The following UQCC1 variants were observed in gnomAD, a reference collection of about 807,000 sequenced individuals.
UQCC1 encodes the protein ubiquinol-cytochrome c reductase complex assembly factor 1, also known as bFGF-repressed Zic-binding protein.
Under a neutral mutation model 48.0 loss-of-function variants are expected in UQCC1, and 38 were observed. The ratio of observed to expected loss-of-function variants is 0.79; its 90% CI spans 0.61 to 1.04. The LOEUF (loss-of-function observed/expected upper bound fraction) is 1.04, where lower values mean the gene tolerates loss of function less well. UQCC1 is among the 50% of genes least tolerant of loss of function. UQCC1 has a pLI of 0.00. For synonymous variants in UQCC1, 111 were observed against 129.2 expected (o/e 0.86, Z 0.95); for missense variants, 368 against 381.8 (o/e 0.96, Z 0.30).
chr20:35,406,606 T>C (rs2062254589), intron 1 of UQCC1, among the ~76,000 whole-genome samples: 1 of 152,210 alleles, frequency 6.6e-6, no homozygotes, highest in Non-Finnish European at 1.5e-5. Context: ...AGGCAGACCT[T>C]CAGGTTGAAA....
intron 7 of UQCC1, among the ~76,000 whole-genome samples, chr20:35,324,543 G>A (rs563775185): frequency 1.5e-4 from 23 of 152,270 alleles, no homozygotes; most frequent in South Asian, 1.2e-3. Context: ...AGCCAGGATG[G>A]TCTCGATCTC....
chr20:35,307,149 C>G (rs1325471524), intron 8 of UQCC1: 1 of 340,368 alleles, frequency 2.9e-6, no homozygotes, highest in Non-Finnish European at 5.7e-6. Flanking sequence ...CAGCAATGCT[C>G]CCCCTGCTGT....
chr20:35,305,555 G>T (rs2060919441), intron 9 of UQCC1, among the ~76,000 whole-genome samples: 1 of 152,238 alleles, frequency 6.6e-6, no homozygotes, highest in African/African-American at 2.4e-5. Flanking sequence ...TTCTCTGTGA[G>T]TGGGGCCCTC....
At chr20:35,378,966 G>A (rs752276573) in intron 4 of UQCC1, among the ~76,000 whole-genome samples, 8 of 151,914 alleles carry the variant, frequency 5.3e-5, no homozygotes, top group South Asian at 2.1e-4. Context: ...TCCTTCAACC[G>A]TTCTTAACAG....
At chr20:35,404,033 C>A (rs534236468) in intron 1 of UQCC1, among the ~76,000 whole-genome samples, 1 of 151,858 alleles carries the variant, frequency 6.6e-6, no homozygotes, top group African/African-American at 2.4e-5. Context: ...GTCAGGAGAT[C>A]GAGACCATCC....
intron 5 of UQCC1, among the ~76,000 whole-genome samples, chr20:35,371,903 C>A (rs1212909758): frequency 2.0e-5 from 3 of 151,766 alleles, no homozygotes; most frequent in Admixed American, 1.3e-4. Context: ...GTAGTCCCAG[C>A]GACTCAGGAG....
At chr20:35,350,288 T>G (rs1161462205) in intron 6 of UQCC1, among the ~76,000 whole-genome samples, 1 of 152,180 alleles carries the variant, frequency 6.6e-6, no homozygotes, top group Non-Finnish European at 1.5e-5. Flanking sequence ...CCACTGTGCC[T>G]GGCCTGAGTG....
intron 8 of UQCC1, among the ~76,000 whole-genome samples, chr20:35,308,672 T>C (rs1183927085): frequency 1.3e-5 from 2 of 152,246 alleles, no homozygotes; most frequent in Non-Finnish European, 2.9e-5. Flanking sequence ...CTAATGATTA[T>C]GTTTGCCAAG....
chr20:35,307,764 T>C (rs2060944941), intron 8 of UQCC1, among the ~76,000 whole-genome samples: 1 of 152,234 alleles, frequency 6.6e-6, no homozygotes, highest in African/African-American at 2.4e-5. Context: ...GCTCTACTTA[T>C]AGCATTCTTG....
At chr20:35,373,803 AGTTT>A (rs1175999484) in intron 5 of UQCC1, among the ~76,000 whole-genome samples, 5 of 152,154 alleles carry the variant, frequency 3.3e-5, no homozygotes, top group East Asian at 1.9e-4. Context: ...GTCAAAGTAC[AGTTT>A]GTTTGTTTTT....
At chr20:35,400,024 C>A (rs1040892383) in intron 1 of UQCC1, among the ~76,000 whole-genome samples, 3 of 146,118 alleles carry the variant, frequency 2.1e-5, no homozygotes, top group African/African-American at 7.6e-5. Flanking sequence ...CTCCTGGATT[C>A]AAGCAATTCT....
chr20:35,382,018 G>A lies in UQCC1; in HGVS notation c.233C>T (p.Thr78Ile). The stretch of plus-strand genomic sequence containing the variant: ...AACAGGCTGTGGGGAATCTTTGGTA[G>A]TAGAAAGCTGATTAACCAAAAAGAA... ...RKYHTTRKLS[T>I]TKDSPQPVEE... Residue 78 changes from threonine (T) to isoleucine (I), a missense_variant, in exon 4 of 10, where the codon ACT (threonine) becomes ATT (isoleucine). Thr to Ile is a moderately conservative substitution (Grantham distance 89, BLOSUM62 -1). Coordinates refer to ENST00000374385, the MANE Select transcript of UQCC1 (RefSeq NM_018244.5). 6.3e-7 allele frequency: 1 copy of A among 1,587,726 alleles called. No individual in the cohort carries two copies. Among genetic ancestry groups the A allele is most frequent in the Non-Finnish European group, 8.5e-7 (1 of 1,170,814 alleles).
chr20:35,408,867 A>G (rs549286041), intron 1 of UQCC1, among the ~76,000 whole-genome samples: 3 of 152,248 alleles, frequency 2.0e-5, no homozygotes, highest in East Asian at 1.9e-4. Context: ...AAAAAAAAAA[A>G]AGAGAAAATT....
intron 1 of UQCC1, among the ~76,000 whole-genome samples, chr20:35,398,780 G>T (rs2062119663): frequency 6.7e-6 from 1 of 149,590 alleles, no homozygotes; most frequent in Non-Finnish European, 1.5e-5. Context: ...CGGTGCAGGG[G>T]GAGCAAGAGG....
chr20:35,315,701 C>T (rs559958718), intron 7 of UQCC1, among the ~76,000 whole-genome samples: 9 of 152,254 alleles, frequency 5.9e-5, no homozygotes, highest in Middle Eastern at 6.8e-3. Context: ...CCAGCCTGGG[C>T]AACATGGCGA....
intron 7 of UQCC1, among the ~76,000 whole-genome samples, chr20:35,341,218 CAAA>C (rs61675932): frequency 8.6e-6 from 1 of 115,842 alleles, no homozygotes; most frequent in Non-Finnish European, 1.8e-5. Context: ...GAGACTCCGT[CAAA>C]AAAAAAAAAA....
At chr20:35,400,076 C>T (rs1405420510) in intron 1 of UQCC1, among the ~76,000 whole-genome samples, 1 of 151,828 alleles carries the variant, frequency 6.6e-6, no homozygotes, top group Non-Finnish European at 1.5e-5. Flanking sequence ...GAGCGGCGCG[C>T]TACCACGCCC....
At chr20:35,311,852 G>C (rs866198463) in intron 8 of UQCC1, among the ~76,000 whole-genome samples, 1 of 152,122 alleles carries the variant, frequency 6.6e-6, no homozygotes, top group Non-Finnish European at 1.5e-5. Context: ...AAAATTTCCT[G>C]CTCTTAAAAG....
At chr20:35,405,402 T>C (rs1004773246) in intron 1 of UQCC1, among the ~76,000 whole-genome samples, 2 of 152,140 alleles carry the variant, frequency 1.3e-5, no homozygotes, top group African/African-American at 4.8e-5. Context: ...GTGGCCACAT[T>C]ATTTAAAATG....
Sources: allele counts gnomAD v4.1 joint callset (sites outside exome capture counted in the v4.1 genomes callset), GRCh38; gene constraint gnomAD v4.1.1; transcripts MANE v1.5; gene names NCBI Gene and HGNC (gene_info 2026-07-23, HGNC 2026-07-21).